EHBP1: variants seen among roughly 807,000 people sequenced by gnomAD.
EHBP1 encodes EH domain-binding protein 1.
In EHBP1, 55 loss-of-function variants were observed where a neutral mutation model predicts 144.0. The observed-to-expected ratio is 0.38, with a 90% CI of 0.31 to 0.48. EHBP1 has a LOEUF of 0.48. Among genes scored for constraint, EHBP1 ranks in the 20% least tolerant of loss-of-function variants. EHBP1 has a pLI of 0.98. For synonymous variants in EHBP1, 469 were observed against 472.7 expected, an observed-to-expected ratio of 0.99 and a Z score of 0.10; for missense variants, 1,200 against 1,364.2, an observed-to-expected ratio of 0.88 and a Z score of 1.90.
chr2:62,987,270 T>C (rs1348812005), intron 15 of EHBP1, among the ~76,000 whole-genome samples: 2 of 152,146 alleles, frequency 1.3e-5, no homozygotes, highest in Non-Finnish European at 2.9e-5. Context: ...ACTAGGGATA[T>C]AAAAAATTAT....
At chr2:62,976,230 A>G (rs1024219895) in intron 14 of EHBP1, among the ~76,000 whole-genome samples, 1 of 151,906 alleles carries the variant, frequency 6.6e-6, no homozygotes, top group Non-Finnish European at 1.5e-5. Context: ...TTGGTTCTCT[A>G]CTGGGAGCTT....
intron 5 of EHBP1, among the ~76,000 whole-genome samples, chr2:62,805,466 TTC>T (rs926368675): frequency 4.0e-5 from 6 of 148,252 alleles, no homozygotes; most frequent in African/African-American, 1.5e-4. Context: ...TCTTTGTATT[TTC>T]TTTTTTTTTT....
At chr2:62,950,488 A>G (rs2057315727) in intron 13 of EHBP1, among the ~76,000 whole-genome samples, 1 of 152,196 alleles carries the variant, frequency 6.6e-6, no homozygotes, top group Admixed American at 6.5e-5. Flanking sequence ...TTTTCTATTA[A>G]AATGTGTTAA....
intron 5 of EHBP1, among the ~76,000 whole-genome samples, chr2:62,779,485 C>G (rs943139493): frequency 4.3e-4 from 66 of 152,288 alleles, no homozygotes; most frequent in African/African-American, 1.5e-3. Context: ...CTCACTCTTG[C>G]TGAATGGCAA....
At chr2:63,026,307 TG>T (rs2060974533) in intron 19 of EHBP1, among the ~76,000 whole-genome samples, 1 of 144,952 alleles carries the variant, frequency 6.9e-6, no homozygotes, top group Non-Finnish European at 1.5e-5. Flanking sequence ...TGTGTGTGTG[TG>T]TGTGTGTGTG....
intron 5 of EHBP1, among the ~76,000 whole-genome samples, chr2:62,792,744 G>T (rs2152458493): frequency 6.6e-6 from 1 of 152,048 alleles, no homozygotes; most frequent in East Asian, 1.9e-4. Flanking sequence ...CCCAATAAAT[G>T]GGTGTGTATC....
exon 1 of EHBP1, chr2:62,673,970 A>G (rs1385455721): frequency 2.1e-6 from 1 of 467,796 alleles, no homozygotes; most frequent in Non-Finnish European, 4.4e-6. Flanking sequence ...GCTTGCTAGG[A>G]CACAAGGTTA....
At chr2:62,924,974 G>C (rs149380797) in intron 10 of EHBP1, among the ~76,000 whole-genome samples, 1 of 152,066 alleles carries the variant, frequency 6.6e-6, no homozygotes, top group African/African-American at 2.4e-5. Flanking sequence ...CAAATTGAGC[G>C]CAACAGTGCA....
In EHBP1 at chr2:62,690,035, C is replaced by T. The variant is rs184243325; in HGVS notation, c.-296+15952C>T. 3.9e-5 allele frequency among the ~76,000 whole-genome samples: 6 copies of T among 152,278 alleles called. No individual in the cohort carries two copies. In the East Asian group the frequency reaches 1.2e-3, roughly 29 times the overall value. On this transcript the variant is annotated intron_variant, in intron 1 of 22. Transcript: ENST00000405015. ...CTGTGCTAAGTCCACTTTTTAATCA[C>T]ATTTGGTATTGTCTATAATAGTTGA...
At chr2:62,931,824 G>T (rs868175593) in intron 10 of EHBP1, among the ~76,000 whole-genome samples, 1 of 152,060 alleles carries the variant, frequency 6.6e-6, no homozygotes, top group Admixed American at 6.6e-5. Flanking sequence ...TTGAAAAAGC[G>T]AAGTATGATA....
rs185482126 is a variant in EHBP1, at chr2:63,023,759, A to G, written c.3104-13776A>G. Among the ~76,000 whole-genome samples, 79 of 152,318 alleles carry G rather than the reference A, an allele frequency of 5.2e-4. 1 individual carries two copies. The highest frequency in any genetic ancestry group is 1.7e-3 in the African/African-American group (69 of 41,572). Reference sequence around the variant, plus strand: ...GAACTGGAACCTGACAGATCTCTTCATGGCTATATCTGTTGTGCTTTTGAA... The same window carrying G: ...GAACTGGAACCTGACAGATCTCTTCGTGGCTATATCTGTTGTGCTTTTGAA... On this transcript the variant is annotated intron_variant, in intron 19 of 22. Transcript: ENST00000431489.
intron 10 of EHBP1, among the ~76,000 whole-genome samples, chr2:62,899,361 A>G (rs974621584): frequency 1.3e-5 from 2 of 152,208 alleles, no homozygotes; most frequent in African/African-American, 2.4e-5. Context: ...GGTACAAGAC[A>G]TATTTTAATA....
intron 5 of EHBP1, among the ~76,000 whole-genome samples, chr2:62,780,259 G>A (rs2042333192): frequency 1.3e-5 from 2 of 152,060 alleles, no homozygotes; most frequent in African/African-American, 4.8e-5. Context: ...TTAAACTCCT[G>A]AATTAACAGG....
chr2:62,980,086 G>T (rs993943038), intron 15 of EHBP1, among the ~76,000 whole-genome samples: 2 of 152,166 alleles, frequency 1.3e-5, no homozygotes, highest in African/African-American at 4.8e-5. Flanking sequence ...AGATCACTCT[G>T]AAGAGTAGGC....
At chr2:62,732,039 A>G (rs2037649778) in intron 2 of EHBP1, among the ~76,000 whole-genome samples, 1 of 152,148 alleles carries the variant, frequency 6.6e-6, no homozygotes, top group South Asian at 2.1e-4. Flanking sequence ...CTTCCTGCTT[A>G]CAAGTGTGGG....
chr2:62,984,710 G>A (rs2059116106), intron 15 of EHBP1, among the ~76,000 whole-genome samples: 1 of 152,150 alleles, frequency 6.6e-6, no homozygotes, highest in African/African-American at 2.4e-5. Context: ...AAGAAGACCT[G>A]AGCTGTATAG....
In EHBP1 at chr2:62,983,018, C is replaced by T. The variant is rs149905787; in HGVS notation, c.2608+3683C>T. On this transcript the variant is annotated intron_variant, in intron 15 of 22. Coordinates refer to ENST00000431489, the MANE Select transcript of EHBP1 (RefSeq NM_001142616.3). ...AATAACAGAATCACACCTCTCCTAGCAGCCATAGCCTAGCTTTCACTTACC... is the reference window on the plus strand; with the variant it reads ...AATAACAGAATCACACCTCTCCTAGTAGCCATAGCCTAGCTTTCACTTACC... Among the ~76,000 whole-genome samples the T allele has an allele frequency of 3.1e-3, 472 of 152,304 alleles. 2 individuals are homozygous for T. The highest frequency in any genetic ancestry group is 0.011 in the African/African-American group (439 of 41,570).
chr2:62,879,223 A>T (rs2051155973), intron 10 of EHBP1, among the ~76,000 whole-genome samples: 1 of 152,148 alleles, frequency 6.6e-6, no homozygotes. Context: ...CCCCTTGAGG[A>T]CCAGAACAAA....
intron 2 of EHBP1, among the ~76,000 whole-genome samples, chr2:62,733,529 G>A (rs1034089825): frequency 2.6e-5 from 4 of 152,154 alleles, no homozygotes; most frequent in African/African-American, 7.2e-5. Context: ...ACCCTCCCCA[G>A]TGCTCCTCAA....
Sources: allele counts gnomAD v4.1 joint callset (sites outside exome capture counted in the v4.1 genomes callset), GRCh38; gene constraint gnomAD v4.1.1; transcripts MANE v1.5; gene names NCBI Gene and HGNC (gene_info 2026-07-23, HGNC 2026-07-21).